The following TNC variants were observed in gnomAD, a reference collection of about 807,000 sequenced individuals.
The protein encoded by TNC is tenascin C, also known as tenascin.
TNC carries 109 observed loss-of-function variants against 202.4 expected under a neutral mutation model. That is an observed-to-expected ratio of 0.54 (90% CI 0.46 to 0.63). TNC has a LOEUF of 0.63. Ranked by LOEUF, TNC falls within the 30% of genes least tolerant of loss-of-function variation. TNC has a pLI of 0.00. For synonymous variants in TNC, 1,007 were observed against 1,089.7 expected, an observed-to-expected ratio of 0.92 and a Z score of 1.50; for missense variants, 2,756 against 2,833.3, an observed-to-expected ratio of 0.97 and a Z score of 0.62.
chr9:115,063,295 T>C (rs1832695685), intron 12 of TNC, 106 bp from the exon 13 acceptor site: 1 of 1,231,382 alleles, frequency 8.1e-7, no homozygotes, highest in African/African-American at 1.5e-5. Flanking sequence ...GTCTGGTTAG[T>C]GTTGATTATA....
At chr9:115,103,890 T>G (rs1836418486) in intron 1 of TNC, among the ~76,000 whole-genome samples, 1 of 152,184 alleles carries the variant, frequency 6.6e-6, no homozygotes, top group Non-Finnish European at 1.5e-5. Context: ...CCATAAAATA[T>G]TTCCATCCAG....
chr9:115,060,522 A>T lies in TNC; in HGVS notation c.4034-520T>A, dbSNP rs142673798. Among the ~76,000 whole-genome samples, 546 of 152,378 alleles carry T rather than the reference A, an allele frequency of 3.6e-3. 3 individuals carry two copies. Among genetic ancestry groups the T allele is most frequent in the African/African-American group, 0.013 (526 of 41,582 alleles). On this transcript the variant is annotated intron_variant, in intron 13 of 27. Transcript: ENST00000350763. ...TGATGATTAAATGGTAATATTTATC[A>T]ACTTCTTAGTATCATACCTGATACA... is the stretch of plus-strand genomic sequence containing the variant.
At chr9:115,112,384 A>G (rs965626737) in intron 1 of TNC, among the ~76,000 whole-genome samples, 11 of 152,188 alleles carry the variant, frequency 7.2e-5, no homozygotes, top group African/African-American at 2.4e-4. Context: ...ATAAAATTTC[A>G]TGAGGAGGCT....
intron 17 of TNC, among the ~76,000 whole-genome samples, chr9:115,043,413 A>G (rs1830925671): frequency 6.6e-6 from 1 of 152,156 alleles, no homozygotes; most frequent in Non-Finnish European, 1.5e-5. Context: ...CAGAAACCAC[A>G]TGGGTCTCTG....
chr9:115,086,652 T>G lies in TNC; in HGVS notation c.1079A>C (p.Gln360Pro). The change falls in exon 3 of 28, where the codon CAG becomes CCG. Residue 360 changes from glutamine to proline, a missense_variant. Physicochemically the swap from Gln to Pro is moderately conservative, Grantham distance 76 (BLOSUM62 -1). Transcript: ENST00000350763. ...GGCAAAGCCCTCATCACATACACAC[T>G]GCCCCTCCTCACACCGGCCCTGGGT... The part of the protein sequence containing the change: ...CHTQGRCEEG[Q>P]CVCDEGFAGV... 6.2e-7 allele frequency: 1 copy of G among 1,614,168 alleles called. No individual in the cohort carries two copies. The highest frequency in any genetic ancestry group is 1.1e-5 in the South Asian group (1 of 91,084).
rs10118726 is a variant in TNC at position 115,035,246 on chromosome 9, G to A, written c.5745C>T (p.Thr1915=). 107 of 1,613,208 alleles carry A rather than the reference G, an allele frequency of 6.6e-5. No individual in the cohort carries two copies. Among genetic ancestry groups the A allele is most frequent in the Non-Finnish European group, 8.1e-5 (96 of 1,179,692 alleles). ...CTGATTCATAGACCAGCAGGTAACC[G>A]GTGACTGATGCCCGGGGGGGTCGCC... The part of the protein sequence containing the change: ...LTWRPPRASV[T]GYLLVYESVD... The change falls in exon 22 of 28, where the codon ACC becomes ACT. Residue 1915 remains threonine, a synonymous_variant. Coordinates refer to ENST00000350763, the MANE Select transcript of TNC (RefSeq NM_002160.4).
Position 115,059,844 on chromosome 9 carries a change from T to G in TNC, c.4192A>C (p.Ser1398Arg). 1 of 1,614,130 alleles carries G rather than the reference T, an allele frequency of 6.2e-7. No homozygotes were observed. Among genetic ancestry groups the G allele is most frequent in the Non-Finnish European group, 8.5e-7 (1 of 1,180,012 alleles). The change falls in exon 14 of 28, where the codon AGC becomes CGC. Residue 1398 changes from serine to arginine, a missense_variant. Ser to Arg is a moderately radical substitution (Grantham distance 110). This residue lies in a region of TNC where 2,559 missense variants were observed against 2,546.0 expected (regional missense o/e 1.01). Coordinates refer to ENST00000350763, the MANE Select transcript of TNC (RefSeq NM_002160.4). ...CCCGGGATGTCCACAGCCCTGAGGCTGCCAGGCAACGTGAGGTTCTGGGCT... is the reference window on the plus strand; with the variant it reads ...CCCGGGATGTCCACAGCCCTGAGGCGGCCAGGCAACGTGAGGTTCTGGGCT... ...EAAQNLTLPG[S>R]LRAVDIPGLE... is the part of the protein sequence containing the mutation.
intron 1 of TNC, among the ~76,000 whole-genome samples, chr9:115,101,076 A>G (rs1189336893): frequency 6.6e-6 from 1 of 152,172 alleles, no homozygotes; most frequent in Non-Finnish European, 1.5e-5. Flanking sequence ...CTATCCATCA[A>G]TTCATCCAAC....
intron 7 of TNC, among the ~76,000 whole-genome samples, chr9:115,077,277 C>T (rs1588139354): frequency 1.3e-5 from 2 of 152,024 alleles, no homozygotes; most frequent in East Asian, 3.9e-4. Context: ...AGAATGGTCT[C>T]AATCTCCTGA....
intron 15 of TNC, among the ~76,000 whole-genome samples, chr9:115,054,789 C>G (rs1475199687): frequency 6.6e-6 from 1 of 152,176 alleles, no homozygotes; most frequent in Non-Finnish European, 1.5e-5. Context: ...ATTTAATGCT[C>G]TGAATATTCA....
chr9:115,087,607 T>G (rs910739607), intron 2 of TNC, among the ~76,000 whole-genome samples: 1 of 152,020 alleles, frequency 6.6e-6, no homozygotes, highest in Non-Finnish European at 1.5e-5. Flanking sequence ...TTTGTCACAT[T>G]TTCAAGAAGT....
intron 25 of TNC, among the ~76,000 whole-genome samples, chr9:115,027,317 CG>C (rs1479324050): frequency 6.6e-6 from 1 of 151,320 alleles, no homozygotes; most frequent in Non-Finnish European, 1.5e-5. Context: ...AGGCCAGGCA[CG>C]GTGGCTCACG....
rs1834339863 is a variant in TNC, at chr9:115,081,968, G to C, written c.2248-40C>G. On this transcript the variant is annotated intron_variant, in intron 5 of 27. Coordinates refer to ENST00000350763, the MANE Select transcript of TNC (RefSeq NM_002160.4). ...CAGCTTGGTAAGAGTTAGGGGAGGT[G>C]CCAGTCTCTTAATTTATGTGATTCA... 4 of 1,541,498 alleles carry C rather than the reference G, an allele frequency of 2.6e-6. No individual in the cohort carries two copies. In the East Asian group the frequency reaches 9.1e-5, roughly 35 times the overall value.
rs764140196 is a variant in TNC at position 115,081,811 on chromosome 9, T to C, written c.2365A>G (p.Asn789Asp). The change falls in exon 6 of 28, where the codon AAT (asparagine) becomes GAT (aspartate). Residue 789 changes from asparagine (N) to aspartate (D), a missense_variant. Physicochemically the swap from Asn to Asp is conservative, Grantham distance 23. Transcript: ENST00000350763. ...YEISLHIVKN[N>D]TRGPGLKRVT... ...CTCTTCAGGCCAGGGCCCCGGGTAT[T>C]GTTTTTCACTATGTGCAGAGATATC... The C allele has an allele frequency of 6.2e-7, 1 of 1,613,576 alleles. No individual in the cohort carries two copies. The highest frequency in any genetic ancestry group is 8.5e-7 in the Non-Finnish European group (1 of 1,179,862).
At chr9:115,026,122 G>C (rs1341991174) in intron 26 of TNC, among the ~76,000 whole-genome samples, 1 of 152,202 alleles carries the variant, frequency 6.6e-6, no homozygotes, top group Non-Finnish European at 1.5e-5. Context: ...CAGACAACCT[G>C]TGTCAGCATC....
chr9:115,107,820 T>G (rs1836731366), intron 1 of TNC, among the ~76,000 whole-genome samples: 1 of 152,222 alleles, frequency 6.6e-6, no homozygotes, highest in African/African-American at 2.4e-5. Flanking sequence ...TGAACTCACT[T>G]TCCATTTCCT....
chr9:115,084,523 T>C, intron 3 of TNC, 51 bp from the exon 4 acceptor site: 1 of 1,586,480 alleles, frequency 6.3e-7, no homozygotes, highest in Non-Finnish European at 8.6e-7. Flanking sequence ...TCCTCTAAAA[T>C]CTCTCTAGGT....
chr9:115,029,130 A>G (rs1829758157), intron 25 of TNC, among the ~76,000 whole-genome samples: 1 of 151,306 alleles, frequency 6.6e-6, no homozygotes, highest in African/African-American at 2.4e-5. Flanking sequence ...GGCTAAGTAA[A>G]CCTCTAAATT....
chr9:115,048,448 G>C lies in TNC; in HGVS notation c.4664C>G (p.Ala1555Gly). ...FTVSWMASENAFDSFLVTVVD... is the reference protein window; with the variant it reads ...FTVSWMASENGFDSFLVTVVD... Reference sequence around the variant, plus strand: ...CACCGTTACTAGAAAGCTGTCAAAGGCATTCTCCGATGCCATCCAGGAAAC... The same window carrying C: ...CACCGTTACTAGAAAGCTGTCAAAGCCATTCTCCGATGCCATCCAGGAAAC... Residue 1555 changes from alanine (A) to glycine (G), a missense_variant, in exon 16 of 28, where the codon GCC becomes GGC. Physicochemically the swap from Ala to Gly is moderately conservative, Grantham distance 60. Coordinates refer to ENST00000350763, the MANE Select transcript of TNC (RefSeq NM_002160.4). 2 of 1,614,004 alleles carry C rather than the reference G, an allele frequency of 1.2e-6. No individual in the cohort carries two copies. The highest frequency in any genetic ancestry group is 1.7e-6 in the Non-Finnish European group (2 of 1,179,942).
Sources: gnomAD v4.1 joint callset for allele counts (sites outside exome capture counted in the v4.1 genomes callset) on GRCh38, gnomAD v4.1.1 for gene constraint, gnomAD v4.1.1 regional missense constraint, MANE v1.5 for transcripts, NCBI Gene and HGNC (gene_info 2026-07-23, HGNC 2026-07-21) for gene names.